The following RSPO3 variants were observed in gnomAD, a reference collection of about 807,000 sequenced individuals.
RSPO3 encodes R-spondin 3, also known as R-spondin-3.
Under a neutral mutation model 36.5 loss-of-function variants are expected in RSPO3, and 17 were observed. The observed-to-expected ratio is 0.47, with a 90% CI of 0.32 to 0.70. The LOEUF is 0.70. Among genes scored for constraint, RSPO3 ranks in the 30% least tolerant of loss-of-function variants. The pLI is 0.04. For missense variants in RSPO3, 294 were observed against 322.5 expected (o/e 0.91, Z 0.68); for synonymous variants, 108 against 107.0 (o/e 1.01, Z -0.06).
chr6:127,186,432 G>A (rs1775296446), intron 4 of RSPO3, among the ~76,000 whole-genome samples: 1 of 152,102 alleles, frequency 6.6e-6, no homozygotes, highest in Non-Finnish European at 1.5e-5. Context: ...TTAATTTTGA[G>A]AATGAAAGAT....
intron 1 of RSPO3, among the ~76,000 whole-genome samples, chr6:127,132,272 A>G (rs1395386275): frequency 1.3e-5 from 2 of 152,156 alleles, no homozygotes; most frequent in South Asian, 4.1e-4. Flanking sequence ...TTGCAACAGC[A>G]GGTCTGATGC....
chr6:127,124,522 A>C (rs1236278587), intron 1 of RSPO3, among the ~76,000 whole-genome samples: 1 of 151,792 alleles, frequency 6.6e-6, no homozygotes, highest in Non-Finnish European at 1.5e-5. Context: ...TTTTTTTTGA[A>C]AATAATAATT....
rs985002144 is a variant in RSPO3, at chr6:127,196,922, A to G, written c.*915A>G. The G allele has an allele frequency of 6.5e-6, 1 of 152,736 alleles. No individual in the cohort carries two copies. Among genetic ancestry groups the G allele is most frequent in the Non-Finnish European group, 1.5e-5 (1 of 68,106 alleles). The allele number at this position is 152,736 out of a possible 1,614,324, so 9.5% of individuals were successfully genotyped here. On this transcript the variant is annotated 3_prime_UTR_variant, in exon 5 of 5. Transcript: ENST00000356698. ...TTTTCTTTCTCAATGAGGGAAAAACAATTTTATTACCTGCTTAATGGTCCA... is the reference window on the plus strand; with the variant it reads ...TTTTCTTTCTCAATGAGGGAAAAACGATTTTATTACCTGCTTAATGGTCCA...
At chr6:127,189,075 C>A (rs1195858081) in intron 4 of RSPO3, among the ~76,000 whole-genome samples, 1 of 152,074 alleles carries the variant, frequency 6.6e-6, no homozygotes, top group Non-Finnish European at 1.5e-5. Flanking sequence ...AGTAATGGCA[C>A]AAACCACAAT....
intron 1 of RSPO3, chr6:127,119,994 G>A (rs1410946578): frequency 6.6e-6 from 1 of 152,550 alleles, no homozygotes; most frequent in Non-Finnish European, 1.5e-5. Flanking sequence ...GTTCTCTCTT[G>A]TCACATGTGA....
Position 127,197,315 on chromosome 6 carries a change from C to G in RSPO3, c.*1308C>G, listed in dbSNP as rs1310873227. 2 of 1,389,554 alleles carry G rather than the reference C, an allele frequency of 1.4e-6. No homozygotes were observed. Among genetic ancestry groups the G allele is most frequent in the African/African-American group, 2.9e-5 (2 of 69,590 alleles). 86.1% of individuals were successfully genotyped at this position (1,389,554 alleles called of 1,614,324 possible). ...TGGGCCTCCCTAGCTGATTTCACTG[C>G]TCCCCCTTCATTGCTTAGAAATGGG... On this transcript the variant is annotated 3_prime_UTR_variant, in exon 5 of 5. Coordinates refer to ENST00000356698, the MANE Select transcript of RSPO3 (RefSeq NM_032784.5).
At chr6:127,183,993 A>C (rs999716225) in intron 4 of RSPO3, among the ~76,000 whole-genome samples, 1 of 151,998 alleles carries the variant, frequency 6.6e-6, no homozygotes, top group Non-Finnish European at 1.5e-5. Flanking sequence ...AGTGCCAAGA[A>C]AAAGGGGGAA....
chr6:127,130,803 T>A (rs779189524), intron 1 of RSPO3, among the ~76,000 whole-genome samples: 1 of 152,108 alleles, frequency 6.6e-6, no homozygotes. Flanking sequence ...TTGTTTCTTA[T>A]AGAATTTAGT....
intron 4 of RSPO3, among the ~76,000 whole-genome samples, chr6:127,166,688 T>C (rs1383302784): frequency 5.9e-5 from 9 of 152,022 alleles, no homozygotes; most frequent in African/African-American, 9.7e-5. Flanking sequence ...AAACCAAAGA[T>C]GTGAATATTT....
At chr6:127,148,534 C>A in intron 1 of RSPO3, 114 bp from the exon 2 acceptor site, 1 of 680,682 alleles carries the variant, frequency 1.5e-6, no homozygotes, top group Non-Finnish European at 2.3e-6. Context: ...CCTCATTCAC[C>A]CATTACCAAC....
chr6:127,122,904 T>G (rs1438001008), intron 1 of RSPO3, among the ~76,000 whole-genome samples: 1 of 152,256 alleles, frequency 6.6e-6, no homozygotes, highest in East Asian at 1.9e-4. Flanking sequence ...GCATTTAGCA[T>G]CCTTTTTATT....
intron 4 of RSPO3, among the ~76,000 whole-genome samples, chr6:127,174,437 T>G (rs1396824113): frequency 1.3e-5 from 2 of 151,890 alleles, no homozygotes; most frequent in Admixed American, 6.6e-5. Flanking sequence ...TTTGAAATGG[T>G]GGATATGTTC....
At chr6:127,146,099 T>C (rs1217000937) in intron 1 of RSPO3, among the ~76,000 whole-genome samples, 1 of 152,144 alleles carries the variant, frequency 6.6e-6, no homozygotes, top group African/African-American at 2.4e-5. Context: ...ATAGTCTTCA[T>C]TTCTCTCTCT....
intron 1 of RSPO3, among the ~76,000 whole-genome samples, chr6:127,135,945 G>C (rs1228465290): frequency 6.9e-6 from 1 of 144,564 alleles, no homozygotes; most frequent in South Asian, 2.2e-4. Context: ...AAAAAAAAAG[G>C]CACATGTCAA....
chr6:127,122,674 T>A (rs1773868152), intron 1 of RSPO3, among the ~76,000 whole-genome samples: 1 of 152,228 alleles, frequency 6.6e-6, no homozygotes. Context: ...AGTAATAAAT[T>A]AGATGGTCTC....
intron 3 of RSPO3, among the ~76,000 whole-genome samples, chr6:127,153,461 A>G (rs1259507544): frequency 1.3e-5 from 2 of 151,966 alleles, no homozygotes; most frequent in African/African-American, 2.4e-5. Flanking sequence ...CTCTGGTCTC[A>G]TTAGAACTTT....
intron 1 of RSPO3, among the ~76,000 whole-genome samples, chr6:127,138,450 T>C (rs1364216957): frequency 3.3e-5 from 5 of 152,168 alleles, no homozygotes; most frequent in African/African-American, 1.2e-4. Flanking sequence ...ACCTCCTGTA[T>C]TAGAAGCCTC....
rs142716992 is a variant in RSPO3, at chr6:127,182,196, G to A, written c.635-13627G>A. Reference sequence around the variant, plus strand: ...CTCATTACCATGAGAATGGCACCAAGTCATTCATGAGGGACCCACTCCAAT... The same window carrying A: ...CTCATTACCATGAGAATGGCACCAAATCATTCATGAGGGACCCACTCCAAT... On this transcript the variant is annotated intron_variant, in intron 4 of 4. Transcript: ENST00000356698. Among the ~76,000 whole-genome samples the A allele has an allele frequency of 3.2e-4, 48 of 151,944 alleles. 1 individual carries two copies. The East Asian group carries it at 8.4e-3, about 27-fold the overall frequency.
intron 3 of RSPO3, 152 bp downstream of exon 3, chr6:127,150,724 A>G: frequency 1.5e-6 from 1 of 662,906 alleles, no homozygotes; most frequent in Non-Finnish European, 2.4e-6. Context: ...ACTCTCTTAA[A>G]GGTGTTTTTC....
Sources: allele counts gnomAD v4.1 joint callset (sites outside exome capture counted in the v4.1 genomes callset), GRCh38; gene constraint gnomAD v4.1.1; transcripts MANE v1.5; gene names NCBI Gene and HGNC (gene_info 2026-07-23, HGNC 2026-07-21).